SEC16B: variants seen among roughly 807,000 people sequenced by gnomAD.
SEC16B encodes the protein SEC16 homolog B, endoplasmic reticulum export factor.
SEC16B carries 115 observed loss-of-function variants against 141.8 expected under a neutral mutation model. The observed-to-expected ratio is 0.81, with a 90% CI of 0.70 to 0.95. The LOEUF (loss-of-function observed/expected upper bound fraction) is 0.95, where lower values mean the gene tolerates loss of function less well. SEC16B is among the 40% of genes least tolerant of loss of function. SEC16B has a pLI of 0.00. For missense variants in SEC16B, 1,291 were observed against 1,312.3 expected (o/e 0.98, Z 0.25); for synonymous variants, 493 against 492.5 (o/e 1.00, Z -0.01).
chr1:177,971,726 T>A (rs1653964561), upstream of SEC16B, among the ~76,000 whole-genome samples: 1 of 152,158 alleles, frequency 6.6e-6, no homozygotes, highest in Non-Finnish European at 1.5e-5. Context: ...TCCAAACAAG[T>A]GAAATGATTT....
rs1650221771 is a variant in SEC16B at position 177,928,894 on chromosome 1, T to C, written c.*964A>G. 1 of 152,212 alleles carries C rather than the reference T, an allele frequency of 6.6e-6. No homozygotes were observed. Among genetic ancestry groups the C allele is most frequent in the South Asian group, 2.1e-4 (1 of 4,836 alleles). The allele number at this position is 152,212 out of a possible 1,614,324, so 9.4% of individuals were successfully genotyped here. On this transcript the variant is annotated 3_prime_UTR_variant, in exon 26 of 26. Transcript: ENST00000308284. ...TACATGTACAAAAAAAAATGTTCTTTGTGAGGAGCAATTTTCAGCAAATCT... is the reference window on the plus strand; with the variant it reads ...TACATGTACAAAAAAAAATGTTCTTCGTGAGGAGCAATTTTCAGCAAATCT...
intron 12 of SEC16B, among the ~76,000 whole-genome samples, chr1:177,949,397 C>CACAT (rs1296203061): frequency 5.3e-5 from 5 of 94,764 alleles, no homozygotes; most frequent in Admixed American, 1.1e-4. Flanking sequence ...CACACACACA[C>CACAT]ACACACACAC....
chr1:177,983,189 T>C (rs1456375167), intron 1 of SEC16B, among the ~76,000 whole-genome samples: 1 of 152,186 alleles, frequency 6.6e-6, no homozygotes, highest in Non-Finnish European at 1.5e-5. Flanking sequence ...CTGAAGAGGT[T>C]ATCCATCCCA....
At chr1:177,931,214 A>G (rs1221648055) in intron 24 of SEC16B, among the ~76,000 whole-genome samples, 2 of 152,244 alleles carry the variant, frequency 1.3e-5, no homozygotes, top group South Asian at 4.1e-4. Flanking sequence ...AAAATGCGGT[A>G]TACGTATACG....
intron 17 of SEC16B, among the ~76,000 whole-genome samples, chr1:177,939,989 ATC>A (rs1216030558): frequency 1.3e-5 from 2 of 152,174 alleles, no homozygotes; most frequent in Non-Finnish European, 2.9e-5. Flanking sequence ...GACCAGAGTC[ATC>A]CACCCTCCCC....
intron 2 of SEC16B, among the ~76,000 whole-genome samples, chr1:177,967,016 G>A (rs1159286870): frequency 6.6e-6 from 1 of 152,182 alleles, no homozygotes; most frequent in Non-Finnish European, 1.5e-5. Context: ...AACATTCCAT[G>A]AAATATTAAG....
At chr1:177,942,350 T>C (rs751469465) in intron 15 of SEC16B, among the ~76,000 whole-genome samples, 1 of 152,164 alleles carries the variant, frequency 6.6e-6, no homozygotes, top group African/African-American at 2.4e-5. Context: ...GAGAGTCTGA[T>C]GTAGAGGCAT....
intron 11 of SEC16B, among the ~76,000 whole-genome samples, chr1:177,952,455 A>G (rs1652267708): frequency 6.6e-6 from 1 of 152,170 alleles, no homozygotes; most frequent in African/African-American, 2.4e-5. Flanking sequence ...TGGCTCATCA[A>G]GAGCCTGGGT....
chr1:177,961,821 G>A (rs960420627), intron 5 of SEC16B, 87 bp from the exon 6 acceptor site: 20 of 1,191,444 alleles, frequency 1.7e-5, no homozygotes, highest in Admixed American at 8.3e-5. Flanking sequence ...AAATACATAC[G>A]GTGAAAGTGG....
chr1:177,938,616 T>C (rs1651041006), intron 18 of SEC16B, among the ~76,000 whole-genome samples: 1 of 152,166 alleles, frequency 6.6e-6, no homozygotes. Flanking sequence ...ACACATTGTA[T>C]GACTTTTTTT....
chr1:177,974,601 G>T (rs2902211), upstream of SEC16B, among the ~76,000 whole-genome samples: 22,203 of 145,340 alleles, frequency 0.15, 1,956 homozygotes, highest in East Asian at 0.42. Context: ...GAGGTTTGAT[G>T]ATCTTAACGG....
chr1:177,983,106 G>A (rs768297690), intron 1 of SEC16B, among the ~76,000 whole-genome samples: 1 of 152,180 alleles, frequency 6.6e-6, no homozygotes, highest in Non-Finnish European at 1.5e-5. Flanking sequence ...CGAATTGGAT[G>A]TGGAGCTAAG....
In SEC16B at chr1:177,955,621, C is replaced by T. The variant is rs1290331380; in HGVS notation, c.1366-1245G>A. 6.6e-5 allele frequency among the ~76,000 whole-genome samples: 10 copies of T among 152,102 alleles called. No homozygotes were observed. In the East Asian group the frequency reaches 9.7e-4, roughly 15 times the overall value. The stretch of plus-strand genomic sequence containing the variant: ...CCTCCCAAAGTGCTGGGATTACAGG[C>T]GTGAGCCACCACGCCCAGCATTTTT... On this transcript the variant is annotated intron_variant, in intron 10 of 25. Transcript: ENST00000308284.
intron 1 of SEC16B, among the ~76,000 whole-genome samples, chr1:177,975,951 G>C (rs1463429278): frequency 6.6e-6 from 1 of 152,214 alleles, no homozygotes; most frequent in East Asian, 1.9e-4. Context: ...TATTAGGAGG[G>C]AGTGTGCCAA....
intron 18 of SEC16B, among the ~76,000 whole-genome samples, chr1:177,938,688 A>G (rs1651046875): frequency 6.6e-6 from 1 of 152,192 alleles, no homozygotes; most frequent in Non-Finnish European, 1.5e-5. Flanking sequence ...GAGGGCTGAA[A>G]TTACCATCCT....
chr1:177,981,050 G>C (rs1654390040), intron 1 of SEC16B, among the ~76,000 whole-genome samples: 1 of 151,930 alleles, frequency 6.6e-6, no homozygotes, highest in Non-Finnish European at 1.5e-5. Flanking sequence ...AGAGTGGAGT[G>C]TAGAAATGGC....
intron 5 of SEC16B, 34 bp from the exon 6 acceptor site, chr1:177,961,768 G>A (rs776980225): frequency 6.2e-7 from 1 of 1,604,320 alleles, no homozygotes; most frequent in Admixed American, 1.7e-5. Context: ...ACAGGAAGAA[G>A]TTTCAGAGAG....
At chr1:177,936,080 C>T (rs902045494) in intron 20 of SEC16B, among the ~76,000 whole-genome samples, 1 of 152,214 alleles carries the variant, frequency 6.6e-6, no homozygotes, top group Non-Finnish European at 1.5e-5. Flanking sequence ...CTCCCTCTCT[C>T]CCCATGGACA....
Position 177,937,246 on chromosome 1 carries a change from C to T in SEC16B, c.2471G>A (p.Trp824Ter). The change falls in exon 19 of 26, where the codon TGG becomes TAG. Residue 824 changes from tryptophan (W) to a stop codon, truncating the protein, a stop_gained. Transcript: ENST00000308284. LOFTEE classifies it high-confidence loss of function. ...AVTEATGGTV[W>*]EEMLQTHLGP... ...CAGGTGTGTCTGCAGCATTTCCTCC[C>T]AGACTGTTCCTCCAGTGGCCTCTGT... 6.2e-7 allele frequency: 1 copy of T among 1,613,628 alleles called. No homozygotes were observed. Among genetic ancestry groups the T allele is most frequent in the South Asian group, 1.1e-5 (1 of 91,040 alleles).
Sources: gnomAD v4.1 joint callset for allele counts (sites outside exome capture counted in the v4.1 genomes callset) on GRCh38, gnomAD v4.1.1 for gene constraint, MANE v1.5 for transcripts, NCBI Gene and HGNC (gene_info 2026-07-23, HGNC 2026-07-21) for gene names.